The following SLC4A10 variants were observed in gnomAD, a reference collection of about 807,000 sequenced individuals.
The protein encoded by SLC4A10 is sodium-driven chloride bicarbonate exchanger.
SLC4A10 carries 42 observed loss-of-function variants against 137.7 expected under a neutral mutation model. The ratio of observed to expected loss-of-function variants is 0.30; its 90% CI spans 0.24 to 0.39. The LOEUF is 0.39. SLC4A10 is among the 10% of genes least tolerant of loss of function. SLC4A10 has a pLI of 1.00. For missense variants in SLC4A10, 925 were observed against 1,355.0 expected, an observed-to-expected ratio of 0.68 and a Z score of 4.98; for synonymous variants, 474 against 464.1, an observed-to-expected ratio of 1.02 and a Z score of -0.27.
intron 4 of SLC4A10, among the ~76,000 whole-genome samples, chr2:161,842,851 A>G (rs999845601): frequency 1.3e-5 from 2 of 152,056 alleles, no homozygotes; most frequent in Non-Finnish European, 2.9e-5. Flanking sequence ...TTGCTCTTTT[A>G]TGATTTTGAT....
chr2:161,662,416 A>G (rs1056834782), intron 1 of SLC4A10, among the ~76,000 whole-genome samples: 1 of 152,132 alleles, frequency 6.6e-6, no homozygotes, highest in East Asian at 1.9e-4. Context: ...ACTGTCTTCC[A>G]GTAATCTCTG....
chr2:161,632,902 C>A (rs2033817494), intron 1 of SLC4A10, among the ~76,000 whole-genome samples: 1 of 151,638 alleles, frequency 6.6e-6, no homozygotes, highest in Non-Finnish European at 1.5e-5. Context: ...TGCCATAAAA[C>A]AGCCTTTTTA....
chr2:161,755,905 G>A (rs747197294), intron 1 of SLC4A10, among the ~76,000 whole-genome samples: 1 of 151,924 alleles, frequency 6.6e-6, no homozygotes, highest in Non-Finnish European at 1.5e-5. Flanking sequence ...AAGTAGCTGG[G>A]ATTACAGGCC....
chr2:161,932,260 A>C (rs761116717), intron 15 of SLC4A10, among the ~76,000 whole-genome samples: 1 of 152,148 alleles, frequency 6.6e-6, no homozygotes, highest in Non-Finnish European at 1.5e-5. Context: ...CAGACCTATG[A>C]TCCTTGCTTG....
chr2:161,764,368 GA>G (rs1421575766), intron 1 of SLC4A10, among the ~76,000 whole-genome samples: 1 of 152,096 alleles, frequency 6.6e-6, no homozygotes, highest in African/African-American at 2.4e-5. Context: ...AAAAATCAAT[GA>G]AAGTGGAGGT....
At chr2:161,678,939 T>C (rs2040554611) in intron 1 of SLC4A10, among the ~76,000 whole-genome samples, 1 of 152,136 alleles carries the variant, frequency 6.6e-6, no homozygotes, top group Non-Finnish European at 1.5e-5. Flanking sequence ...AAACATTTCT[T>C]TTTAGTAGAC....
At chr2:161,706,792 A>G (rs751837774) in intron 1 of SLC4A10, among the ~76,000 whole-genome samples, 5 of 151,624 alleles carry the variant, frequency 3.3e-5, no homozygotes, top group Non-Finnish European at 7.4e-5. Flanking sequence ...CTAGATCAGA[A>G]TCTTCTGTTT....
chr2:161,715,464 A>G (rs2044749786), intron 1 of SLC4A10, among the ~76,000 whole-genome samples: 1 of 151,952 alleles, frequency 6.6e-6, no homozygotes, highest in Admixed American at 6.6e-5. Flanking sequence ...TAAGCCCAGC[A>G]TGCATTAGCT....
Position 161,809,006 on chromosome 2 carries a change from G to A in SLC4A10, c.277+4411G>A, listed in dbSNP as rs150135574. 5.6e-3 allele frequency among the ~76,000 whole-genome samples: 856 copies of A among 152,244 alleles called. 9 individuals carry two copies. Among genetic ancestry groups the A allele is most frequent in the African/African-American group, 0.02 (828 of 41,556 alleles). ...AATCTCCAAACTGCTTTCCACAGTG[G>A]CTGAACCAATTTATATTCCCACCAA... On this transcript the variant is annotated intron_variant, in intron 3 of 26. Transcript: ENST00000446997.
intron 3 of SLC4A10, among the ~76,000 whole-genome samples, chr2:161,813,604 T>A (rs1406958482): frequency 1.3e-5 from 2 of 152,170 alleles, no homozygotes; most frequent in Non-Finnish European, 2.9e-5. Context: ...CATCTGCTTA[T>A]AGTTAGCAGA....
chr2:161,920,739 G>A (rs1687977535), intron 15 of SLC4A10, among the ~76,000 whole-genome samples: 1 of 152,182 alleles, frequency 6.6e-6, no homozygotes, highest in African/African-American at 2.4e-5. Flanking sequence ...CAGGAAAAGA[G>A]CAACCTACAA....
chr2:161,900,436 C>A (rs1386353408), intron 11 of SLC4A10, among the ~76,000 whole-genome samples: 1 of 152,100 alleles, frequency 6.6e-6, no homozygotes, highest in African/African-American at 2.4e-5. Context: ...CACCACCATA[C>A]TTAACACCTC....
intron 8 of SLC4A10, among the ~76,000 whole-genome samples, chr2:161,877,655 G>A (rs893756777): frequency 1.3e-4 from 20 of 151,972 alleles, no homozygotes; most frequent in African/African-American, 4.3e-4. Flanking sequence ...TAAAAGATCA[G>A]ATTCCACAAA....
intron 26 of SLC4A10, among the ~76,000 whole-genome samples, chr2:161,978,643 C>T (rs763372484): frequency 7.9e-5 from 12 of 152,028 alleles, no homozygotes; most frequent in Non-Finnish European, 1.3e-4. Context: ...ATAAACAAGA[C>T]GAGACAAACA....
intron 1 of SLC4A10, among the ~76,000 whole-genome samples, chr2:161,680,793 T>C (rs1262564209): frequency 6.6e-6 from 1 of 152,150 alleles, no homozygotes; most frequent in Non-Finnish European, 1.5e-5. Context: ...GAATAAGGAA[T>C]ATTATTTTAA....
At chr2:161,839,524 A>G (rs1369826930) in intron 3 of SLC4A10, among the ~76,000 whole-genome samples, 1 of 151,954 alleles carries the variant, frequency 6.6e-6, no homozygotes, top group Non-Finnish European at 1.5e-5. Context: ...TAATAATCAT[A>G]TTTTATTTAT....
chr2:161,829,344 T>C (rs913524843), intron 3 of SLC4A10, among the ~76,000 whole-genome samples: 5 of 152,176 alleles, frequency 3.3e-5, no homozygotes, highest in African/African-American at 1.2e-4. Flanking sequence ...ACCAAGCAAC[T>C]ATTCAAAGTA....
At chr2:161,869,379 T>C (rs2060967170) in intron 6 of SLC4A10, among the ~76,000 whole-genome samples, 1 of 151,668 alleles carries the variant, frequency 6.6e-6, no homozygotes, top group African/African-American at 2.4e-5. Context: ...ATAATTGGCA[T>C]AAACTAAATA....
At chr2:161,656,789 T>C (rs2037596885) in intron 1 of SLC4A10, among the ~76,000 whole-genome samples, 1 of 152,156 alleles carries the variant, frequency 6.6e-6, no homozygotes, top group Admixed American at 6.6e-5. Flanking sequence ...AAAAATGTGC[T>C]TTGTTTTATA....
Sources: allele counts gnomAD v4.1 joint callset (sites outside exome capture counted in the v4.1 genomes callset), GRCh38; gene constraint gnomAD v4.1.1; transcripts MANE v1.5; gene names NCBI Gene and HGNC (gene_info 2026-07-23, HGNC 2026-07-21).